Variants in NIPSNAP3A observed in about 807,000 individuals in gnomAD.
NIPSNAP3A encodes protein NipSnap homolog 3A.
A neutral mutation model predicts 32.3 loss-of-function variants in NIPSNAP3A; 27 were observed. The observed-to-expected ratio is 0.84, with a 90% CI of 0.62 to 1.15. NIPSNAP3A has a LOEUF of 1.15. Ranked by LOEUF, NIPSNAP3A falls within the 50% of genes most tolerant of loss-of-function variation. The probability of loss-of-function intolerance (pLI) is 0.00; values close to 1 mark genes in which losing one functional copy is unlikely to be tolerated. For missense variants in NIPSNAP3A, 278 were observed against 297.2 expected, an observed-to-expected ratio of 0.94 and a Z score of 0.48; for synonymous variants, 108 against 107.3, an observed-to-expected ratio of 1.01 and a Z score of -0.04.
At chr9:104,755,759 A>C (rs1298292468) in intron 4 of NIPSNAP3A, among the ~76,000 whole-genome samples, 1 of 152,038 alleles carries the variant, frequency 6.6e-6, no homozygotes, top group Non-Finnish European at 1.5e-5. Context: ...CTACAAAAAA[A>C]ATTTTAAGAA....
At chr9:104,751,986 A>G (rs1827853100) in intron 2 of NIPSNAP3A, among the ~76,000 whole-genome samples, 1 of 152,186 alleles carries the variant, frequency 6.6e-6, no homozygotes, top group African/African-American at 2.4e-5. Context: ...CCCTGTTAAT[A>G]GAAAAAGCCC....
rs1475205601 is a variant in NIPSNAP3A, at chr9:104,752,996, T to C, written c.362T>C (p.Ile121Thr). The C allele has an allele frequency of 1.9e-6, 3 of 1,613,512 alleles. No individual in the cohort carries two copies. Among genetic ancestry groups the C allele is most frequent in the Non-Finnish European group, 1.7e-6 (2 of 1,179,468 alleles). Residue 121 changes from isoleucine (I) to threonine (T), a missense_variant, in exon 3 of 6, where the codon ATT becomes ACT. Physicochemically the swap from Ile to Thr is moderately conservative, Grantham distance 89. Transcript: ENST00000374767. ...TTCCTCATTCCAAATTTGGCTCTCA[T>C]TGATAAACAAGAGAGTGAGATTACT... Reference protein sequence around the residue: ...EQFLIPNLALIDKQESEITYL... With the variant: ...EQFLIPNLALTDKQESEITYL...
chr9:104,751,916 G>A (rs993999081), intron 2 of NIPSNAP3A, among the ~76,000 whole-genome samples: 4 of 152,098 alleles, frequency 2.6e-5, no homozygotes, highest in Non-Finnish European at 4.4e-5. Flanking sequence ...TCTACATCAG[G>A]ACTTGATGAT....
chr9:104,753,717 C>T (rs1265164813), intron 3 of NIPSNAP3A: 2 of 152,356 alleles, frequency 1.3e-5, no homozygotes, highest in African/African-American at 4.8e-5. Context: ...TGTTATTTTA[C>T]TTCCCCCATT....
At chr9:104,754,530 T>G (rs778815447) in intron 3 of NIPSNAP3A, 21 bp from the exon 4 acceptor site, 1 of 1,611,758 alleles carries the variant, frequency 6.2e-7, no homozygotes, top group Non-Finnish European at 8.5e-7. Context: ...TTCTGAAAAA[T>G]TCTTTTTCTC....
chr9:104,750,234 T>C (rs1228237725), intron 1 of NIPSNAP3A, among the ~76,000 whole-genome samples: 1 of 152,222 alleles, frequency 6.6e-6, no homozygotes, highest in South Asian at 2.1e-4. Flanking sequence ...AGGAAAACTT[T>C]TGTAAATTTG....
chr9:104,759,399 T>A lies in NIPSNAP3A; in HGVS notation c.*61T>A. The A allele has an allele frequency of 1.3e-6, 2 of 1,515,600 alleles. No individual in the cohort carries two copies. Among genetic ancestry groups the A allele is most frequent in the Non-Finnish European group, 1.8e-6 (2 of 1,095,940 alleles). 93.9% of individuals were successfully genotyped at this position (1,515,600 alleles called of 1,614,324 possible). A position where few individuals can be genotyped will look rare whatever the true frequency, so the allele number is the denominator to read the frequency against. On this transcript the variant is annotated 3_prime_UTR_variant, in exon 6 of 6. Transcript: ENST00000374767. ...TATAGGATCTGTCTGCTAATGGTGC[T>A]TAAATTCTCCCAAGAGGTTCTCACT... is the stretch of plus-strand genomic sequence containing the variant.
At chr9:104,751,487 A>C (rs1040829546) in intron 2 of NIPSNAP3A, among the ~76,000 whole-genome samples, 2 of 152,226 alleles carry the variant, frequency 1.3e-5, no homozygotes, top group Non-Finnish European at 1.5e-5. Context: ...GTTTGCTGTA[A>C]AGATAGTTCA....
Position 104,759,182 on chromosome 9 carries a change from T to C in NIPSNAP3A, c.667+11T>C, listed in dbSNP as rs759573308. 2 of 1,613,628 alleles carry C rather than the reference T, an allele frequency of 1.2e-6. No individual in the cohort carries two copies. The highest frequency in any genetic ancestry group is 4.5e-5 in the East Asian group (2 of 44,886). On this transcript the variant is annotated intron_variant, in intron 5 of 5. Transcript: ENST00000374767. ...GAGTTGTGGCAGCTGGTAAGCTGTT[T>C]GACTAGGCATGAATTATTTTTAGAA...
intron 2 of NIPSNAP3A, among the ~76,000 whole-genome samples, chr9:104,751,385 A>T (rs148431556): frequency 6.6e-6 from 1 of 152,340 alleles, no homozygotes; most frequent in African/African-American, 2.4e-5. Flanking sequence ...ACATTACATT[A>T]TATTACATTA....
chr9:104,753,078 T>C lies in NIPSNAP3A; in HGVS notation c.430+14T>C. The C allele has an allele frequency of 6.2e-7, 1 of 1,607,434 alleles. No individual in the cohort carries two copies. Among genetic ancestry groups the C allele is most frequent in the East Asian group, 2.2e-5 (1 of 44,798 alleles). On this transcript the variant is annotated intron_variant, in intron 3 of 5. Transcript: ENST00000374767. ...CTCCAAAAGAAGGTAAGTCCTTCCT[T>C]CTTAGTCACTGAGTTTTGATGAATA...
intron 4 of NIPSNAP3A, among the ~76,000 whole-genome samples, chr9:104,757,511 CAT>C (rs756462711): frequency 6.6e-6 from 1 of 152,088 alleles, no homozygotes; most frequent in African/African-American, 2.4e-5. Context: ...AGGCCTGACA[CAT>C]AGTTATCATT....
intron 4 of NIPSNAP3A, among the ~76,000 whole-genome samples, chr9:104,756,669 T>C (rs1827909834): frequency 6.6e-6 from 1 of 152,094 alleles, no homozygotes; most frequent in Non-Finnish European, 1.5e-5. Flanking sequence ...TTTATTGTTT[T>C]TGCCAGTATT....
At position 104,759,901 on chromosome 9, in the gene NIPSNAP3A, T is replaced by A. The variant is rs1185411321; in HGVS notation, c.*563T>A. The A allele has an allele frequency of 6.6e-6, 1 of 152,506 alleles. No individual in the cohort carries two copies. Among genetic ancestry groups the A allele is most frequent in the Non-Finnish European group, 1.5e-5 (1 of 68,242 alleles). 9.4% of individuals were successfully genotyped at this position (152,506 alleles called of 1,614,324 possible). On this transcript the variant is annotated 3_prime_UTR_variant, in exon 6 of 6. Coordinates refer to ENST00000374767, the MANE Select transcript of NIPSNAP3A (RefSeq NM_015469.3). ...TAAATATGGTTTTCACATTAGTTATTTGTCACTTACTTGGAAAATGATGCT... is the reference window on the plus strand; with the variant it reads ...TAAATATGGTTTTCACATTAGTTATATGTCACTTACTTGGAAAATGATGCT...
chr9:104,749,108 A>G (rs556848175), intron 1 of NIPSNAP3A, among the ~76,000 whole-genome samples: 2 of 152,158 alleles, frequency 1.3e-5, no homozygotes, highest in Admixed American at 6.5e-5. Flanking sequence ...TTGATCAACT[A>G]TTTTATCCTC....
intron 1 of NIPSNAP3A, among the ~76,000 whole-genome samples, chr9:104,748,963 TCCGGCTCCCCCACCATAC>T (rs980577808): frequency 6.6e-6 from 1 of 152,074 alleles, no homozygotes; most frequent in Non-Finnish European, 1.5e-5. Flanking sequence ...TTAACTCCCA[TCCGGCTCCCCCACCATAC>T]CCGGCTCCCC....
rs1827790800 is a variant in NIPSNAP3A, at chr9:104,747,784, A to G, written c.-9A>G. On this transcript the variant is annotated 5_prime_UTR_variant, in exon 1 of 6. Transcript: ENST00000374767. ...GGCTGGCTGCTTTTCTCAGCGCCGA[A>G]GCCGCGCCATGCTCGTCCTCAGAAG... The G allele has an allele frequency of 1.2e-6, 2 of 1,607,426 alleles. No individual in the cohort carries two copies. The highest frequency in any genetic ancestry group is 1.7e-6 in the Non-Finnish European group (2 of 1,178,344).
At chr9:104,754,443 C>T in intron 3 of NIPSNAP3A, 108 bp from the exon 4 acceptor site, 1 of 900,248 alleles carries the variant, frequency 1.1e-6, no homozygotes, top group Non-Finnish European at 1.8e-6. Flanking sequence ...GTATGCATGT[C>T]TGATCCTCCA....
At chr9:104,752,667 G>T (rs1018522816) in intron 2 of NIPSNAP3A, among the ~76,000 whole-genome samples, 2 of 152,112 alleles carry the variant, frequency 1.3e-5, no homozygotes, top group African/African-American at 4.8e-5. Flanking sequence ...CCTACTATAT[G>T]GTTGAGCCTA....
Sources: allele counts gnomAD v4.1 joint callset (sites outside exome capture counted in the v4.1 genomes callset), GRCh38; gene constraint gnomAD v4.1.1; transcripts MANE v1.5; gene names NCBI Gene and HGNC (gene_info 2026-07-23, HGNC 2026-07-21).